The following TBCK variants were observed in gnomAD, a reference collection of about 807,000 sequenced individuals.
TBCK encodes the protein TBC1 domain containing kinase.
TBCK carries 99 observed loss-of-function variants against 113.4 expected under a neutral mutation model. That is an observed-to-expected ratio of 0.87 (90% CI 0.74 to 1.03). TBCK has a LOEUF of 1.03. Ranked by LOEUF, TBCK falls within the 50% of genes least tolerant of loss-of-function variation. The pLI, the probability that TBCK is intolerant of heterozygous loss-of-function variation, is 0.00. For missense variants in TBCK, 1,045 were observed against 1,061.3 expected (o/e 0.98, Z 0.21); for synonymous variants, 369 against 370.8 (o/e 1.00, Z 0.05).
intron 12 of TBCK, among the ~76,000 whole-genome samples, chr4:106,241,336 T>C (rs1760114720): frequency 6.7e-6 from 1 of 148,610 alleles, no homozygotes; most frequent in Non-Finnish European, 1.5e-5. Context: ...CAAATTAACT[T>C]ATCAATTCAA....
chr4:106,141,198 G>C (rs1747118965), intron 23 of TBCK, among the ~76,000 whole-genome samples: 1 of 131,318 alleles, frequency 7.6e-6, no homozygotes, highest in Non-Finnish European at 1.6e-5. Context: ...TTAAATAATA[G>C]AAAGATATAA....
intron 24 of TBCK, among the ~76,000 whole-genome samples, chr4:106,105,772 A>G (rs1257329690): frequency 6.6e-6 from 1 of 152,220 alleles, no homozygotes; most frequent in Non-Finnish European, 1.5e-5. Context: ...CTCAATCTAC[A>G]CCACAGTTAA....
chr4:106,264,240 GA>G (rs1244928602), intron 3 of TBCK, among the ~76,000 whole-genome samples: 2 of 10,100 alleles, frequency 2.0e-4, no homozygotes, highest in African/African-American at 1.3e-3. Flanking sequence ...GTGATTAAAT[GA>G]AGAAAAAAAA....
chr4:106,064,428 GC>G (rs1255077166), intron 25 of TBCK, among the ~76,000 whole-genome samples: 3 of 151,044 alleles, frequency 2.0e-5, no homozygotes, highest in Non-Finnish European at 4.4e-5. Context: ...AAGAATAATT[GC>G]CCATCTGCCT....
intron 1 of TBCK, among the ~76,000 whole-genome samples, chr4:106,311,758 A>C (rs1191593088): frequency 6.6e-6 from 1 of 152,144 alleles, no homozygotes; most frequent in Non-Finnish European, 1.5e-5. Context: ...TGTTAATACC[A>C]CATATTTCAT....
At chr4:106,256,908 T>C (rs1762055694) in intron 5 of TBCK, among the ~76,000 whole-genome samples, 1 of 152,122 alleles carries the variant, frequency 6.6e-6, no homozygotes, top group Admixed American at 6.5e-5. Flanking sequence ...ATATTTCACA[T>C]ACAAAAATTT....
At chr4:106,219,987 A>T (rs751222636) in intron 19 of TBCK, among the ~76,000 whole-genome samples, 1 of 152,214 alleles carries the variant, frequency 6.6e-6, no homozygotes, top group South Asian at 2.1e-4. Context: ...AAATTTTTAA[A>T]GTTTTTAGCT....
chr4:106,262,473 C>T lies in TBCK; in HGVS notation c.267-261G>A, dbSNP rs187051104. On this transcript the variant is annotated intron_variant, in intron 3 of 25. Transcript: ENST00000394708. The stretch of plus-strand genomic sequence containing the variant: ...GTAATAGCAGTATTTGGTTCTTCCA[C>T]GAAAGGGCTTTAATTTTGGTGGTGA... Among the ~76,000 whole-genome samples, 91 of 152,112 alleles carry T rather than the reference C, an allele frequency of 6.0e-4. 3 individuals are homozygous for T. Among genetic ancestry groups the T allele is most frequent in the Admixed American group, 1.7e-3 (26 of 15,254 alleles).
At chr4:106,106,986 A>C (rs1407371903) in intron 24 of TBCK, among the ~76,000 whole-genome samples, 1 of 152,162 alleles carries the variant, frequency 6.6e-6, no homozygotes, top group East Asian at 1.9e-4. Flanking sequence ...CAGGGATTGC[A>C]ATCCTAATTT....
chr4:106,309,087 T>C (rs1013093781), intron 1 of TBCK, 98 bp from the exon 2 acceptor site: 13 of 675,444 alleles, frequency 1.9e-5, no homozygotes, highest in African/African-American at 9.2e-5. Flanking sequence ...AATGCCAACC[T>C]GAACACTTCA....
intron 25 of TBCK, among the ~76,000 whole-genome samples, chr4:106,069,608 G>C (rs866521506): frequency 1.3e-5 from 2 of 152,168 alleles, no homozygotes. Context: ...TTTTGGCTTA[G>C]AATTGTCTTG....
intron 24 of TBCK, among the ~76,000 whole-genome samples, chr4:106,103,840 T>C (rs907422668): frequency 3.3e-5 from 5 of 152,164 alleles, no homozygotes. Context: ...GGAAACAACT[T>C]GACCTTTAGA....
chr4:106,200,360 G>A (rs1275273341), intron 20 of TBCK, among the ~76,000 whole-genome samples: 1 of 152,054 alleles, frequency 6.6e-6, no homozygotes, highest in Non-Finnish European at 1.5e-5. Flanking sequence ...GGTAACATAG[G>A]GAGACCTCAT....
At chr4:106,269,692 C>T (rs2150125709) in intron 3 of TBCK, among the ~76,000 whole-genome samples, 1 of 152,200 alleles carries the variant, frequency 6.6e-6, no homozygotes, top group Non-Finnish European at 1.5e-5. Flanking sequence ...ATCTGACTTT[C>T]AGTTGTGAGA....
chr4:106,283,734 A>T (rs1764849071), intron 3 of TBCK, among the ~76,000 whole-genome samples: 1 of 151,996 alleles, frequency 6.6e-6, no homozygotes, highest in Non-Finnish European at 1.5e-5. Context: ...ATCCTATGCT[A>T]ATAAGATGCC....
chr4:106,316,204 C>G lies in TBCK; in HGVS notation c.-303G>C, dbSNP rs1484788760. On this transcript the variant is annotated 5_prime_UTR_variant, in exon 1 of 26. Transcript: ENST00000394708. ...CCCAAACACAGATCCGAGCTTTTCA[C>G]CCTCTACCCTCCCCTCAGCCTGGCC... 2 of 218,888 alleles carry G rather than the reference C, an allele frequency of 9.1e-6. No homozygotes were observed. The highest frequency in any genetic ancestry group is 4.6e-5 in the African/African-American group (2 of 43,930). The allele number at this position is 218,888 out of a possible 1,614,324, so 13.6% of individuals were successfully genotyped here.
At chr4:106,309,357 G>C (rs1372356672) in intron 1 of TBCK, among the ~76,000 whole-genome samples, 1 of 129,382 alleles carries the variant, frequency 7.7e-6, no homozygotes, top group Non-Finnish European at 1.5e-5. Context: ...CTGTCACCCA[G>C]GCTGGAGTGC....
rs1265634856 is a variant in TBCK at position 106,212,821 on chromosome 4, A to G, written c.1789T>C (p.Phe597Leu). The G allele has an allele frequency of 6.2e-7, 1 of 1,610,638 alleles. No homozygotes were observed. The highest frequency in any genetic ancestry group is 1.3e-5 in the African/African-American group (1 of 74,840). ...TCATGAAATGCAATCATCTGAGAGAAGACAGTCAGATACTCTGAAATTACA... is the reference window on the plus strand; with the variant it reads ...TCATGAAATGCAATCATCTGAGAGAGGACAGTCAGATACTCTGAAATTACA... ...SHVIQEYLTV[F>L]SQMIAFHDPE... The change falls in exon 20 of 26, where the codon TTC becomes CTC. Residue 597 changes from phenylalanine (F) to leucine (L), a missense_variant. Transcript: ENST00000394708.
chr4:106,284,851 T>C (rs1764960008), intron 3 of TBCK, among the ~76,000 whole-genome samples: 1 of 152,140 alleles, frequency 6.6e-6, no homozygotes. Flanking sequence ...CTGGAAAGCA[T>C]TTCAAAGAGG....
Sources: gnomAD v4.1 joint callset for allele counts (sites outside exome capture counted in the v4.1 genomes callset) on GRCh38, gnomAD v4.1.1 for gene constraint, MANE v1.5 for transcripts, NCBI Gene and HGNC (gene_info 2026-07-23, HGNC 2026-07-21) for gene names.